ZC3H11A: variants seen among roughly 807,000 people sequenced by gnomAD.
The protein encoded by ZC3H11A is zinc finger CCCH domain-containing protein 11A.
ZC3H11A carries 22 observed loss-of-function variants against 90.8 expected under a neutral mutation model. The ratio of observed to expected loss-of-function variants is 0.24; its 90% confidence interval spans 0.17 to 0.35. The LOEUF (loss-of-function observed/expected upper bound fraction) is 0.35. Among genes scored for constraint, ZC3H11A ranks in the 10% least tolerant of loss-of-function variants. The probability of loss-of-function intolerance (pLI) is 1.00; values close to 1 mark genes in which losing one functional copy is unlikely to be tolerated. For synonymous variants in ZC3H11A, 294 were observed against 339.8 expected, an observed-to-expected ratio of 0.87 and a Z score of 1.48; for missense variants, 701 against 964.9, an observed-to-expected ratio of 0.73 and a Z score of 3.62.
At position 203,829,533 on chromosome 1, in the gene ZC3H11A, C is replaced by A; in HGVS notation, c.381C>A (p.Val127=). 1 of 1,613,964 alleles carries A rather than the reference C, an allele frequency of 6.2e-7. No individual in the cohort carries two copies. The highest frequency in any genetic ancestry group is 8.5e-7 in the Non-Finnish European group (1 of 1,179,910). The change falls in exon 6 of 18, where the codon GTC becomes GTA. Residue 127 remains valine (V), a synonymous_variant. Transcript: ENST00000367210. The part of the protein sequence containing the change: ...QLSVQQNKLS[V]QSNPSPQLRS... ...CAGTTCAGCAGAACAAATTGTCTGT[C>A]CAGTCCAATCCTTCCCCTCAGCTGC... is the stretch of plus-strand genomic sequence containing the variant.
intron 4 of ZC3H11A, among the ~76,000 whole-genome samples, chr1:203,822,976 G>T (rs1468184649): frequency 6.6e-6 from 1 of 152,120 alleles, no homozygotes; most frequent in Non-Finnish European, 1.5e-5. Flanking sequence ...TGTATTTCTT[G>T]TCTCTTAACT....
At chr1:203,821,284 G>C (rs1678596229) in intron 4 of ZC3H11A, among the ~76,000 whole-genome samples, 1 of 152,018 alleles carries the variant, frequency 6.6e-6, no homozygotes, top group African/African-American at 2.4e-5. Flanking sequence ...AGCCTCCCCA[G>C]CCATGCAGAA....
Position 203,797,581 on chromosome 1 carries a change from A to G in ZC3H11A, c.-1588+1787A>G, listed in dbSNP as rs1668979513. ...TCACTCTCTCCTGGCAGAAGATGCAACACTTTTAGTGATTCTGGGATTCTG... is the reference window on the plus strand; with the variant it reads ...TCACTCTCTCCTGGCAGAAGATGCAGCACTTTTAGTGATTCTGGGATTCTG... On this transcript the variant is annotated intron_variant, in intron 1 of 17. Transcript: ENST00000367210. 3 of 1,533,352 alleles carry G rather than the reference A, an allele frequency of 2.0e-6. No individual in the cohort carries two copies. Among genetic ancestry groups the G allele is most frequent in the Non-Finnish European group, 2.6e-6 (3 of 1,146,242 alleles). The allele number at this position is 1,533,352 out of a possible 1,614,324, so 95.0% of individuals were successfully genotyped here.
intron 16 of ZC3H11A, 86 bp downstream of exon 16, chr1:203,850,767 A>G: frequency 1.3e-6 from 2 of 1,510,250 alleles, no homozygotes; most frequent in South Asian, 2.4e-5. Flanking sequence ...TTCTATCTTG[A>G]GTATATCACT....
At position 203,842,406 on chromosome 1, in the gene ZC3H11A, G is replaced by A. The variant is rs550268237; in HGVS notation, c.1042+2032G>A. ...GCGGTCAGGAGCTGGAGACCAGCCC[G>A]GCCAACACGGCGAAACCCCGTCTCC... On this transcript the variant is annotated intron_variant, in intron 12 of 17. Transcript: ENST00000367210. 1.9e-4 allele frequency among the ~76,000 whole-genome samples: 29 copies of A among 152,244 alleles called. No homozygotes were observed. In the South Asian group the frequency reaches 5.8e-3, roughly 30 times the overall value.
intron 12 of ZC3H11A, among the ~76,000 whole-genome samples, chr1:203,841,415 TAATC>T (rs749188259): frequency 2.0e-5 from 3 of 152,280 alleles, no homozygotes; most frequent in South Asian, 2.1e-4. Context: ...GCACCGCCCT[TAATC>T]AATTTAACCC....
rs747091337 is a variant in ZC3H11A at position 203,818,707 on chromosome 1, G to A, written c.174+18G>A. 4.2e-5 allele frequency: 68 copies of A among 1,613,640 alleles called. 1 individual carries two copies. In the South Asian group the frequency reaches 6.5e-4, roughly 15 times the overall value. On this transcript the variant is annotated intron_variant, in intron 4 of 17. Transcript: ENST00000367210. ...AGATTGATGTAAGTTTTTTATTTCC[G>A]TTATCATAATAAGTAGTCTGGAGAC...
chr1:203,834,156 G>A (rs1225996719), intron 10 of ZC3H11A: 4 of 875,016 alleles, frequency 4.6e-6, no homozygotes, highest in Non-Finnish European at 4.2e-6. Context: ...TTTTAGAGGC[G>A]AGAAAAATGA....
intron 2 of ZC3H11A, among the ~76,000 whole-genome samples, chr1:203,808,426 T>C (rs1187509829): frequency 6.6e-6 from 1 of 152,212 alleles, no homozygotes; most frequent in Non-Finnish European, 1.5e-5. Context: ...AGCAGAGATG[T>C]CTTTAAAGAA....
chr1:203,836,546 G>A (rs1019501664), intron 10 of ZC3H11A, among the ~76,000 whole-genome samples: 2 of 152,144 alleles, frequency 1.3e-5, no homozygotes, highest in East Asian at 1.9e-4. Flanking sequence ...TCAGGAGTTC[G>A]AGACCGGCCT....
Position 203,798,546 on chromosome 1 carries a change from C to T in ZC3H11A, c.-1588+2752C>T, listed in dbSNP as rs542266903. Reference sequence around the variant, plus strand: ...TGAAGCTGAGACTGAGAGAAGTGATCTCTTGAGTGATACCTTGCATGGAGA... The same window carrying T: ...TGAAGCTGAGACTGAGAGAAGTGATTTCTTGAGTGATACCTTGCATGGAGA... On this transcript the variant is annotated intron_variant, in intron 1 of 17. Transcript: ENST00000367210. The T allele has an allele frequency of 9.2e-5, 142 of 1,536,120 alleles. No individual in the cohort carries two copies. The highest frequency in any genetic ancestry group is 3.3e-4 in the Middle Eastern group (2 of 5,990).
At chr1:203,848,639 G>T (rs983054551) in intron 14 of ZC3H11A, among the ~76,000 whole-genome samples, 1 of 152,160 alleles carries the variant, frequency 6.6e-6, no homozygotes, top group Non-Finnish European at 1.5e-5. Context: ...TGTAATCCCA[G>T]CACTTTGGGA....
At chr1:203,839,014 A>G (rs1685255637) in intron 11 of ZC3H11A, among the ~76,000 whole-genome samples, 1 of 152,088 alleles carries the variant, frequency 6.6e-6, no homozygotes, top group Non-Finnish European at 1.5e-5. Context: ...CACAGGCTCA[A>G]ATGTGCATTT....
intron 10 of ZC3H11A, among the ~76,000 whole-genome samples, chr1:203,836,873 A>T (rs1377097944): frequency 3.3e-5 from 5 of 152,224 alleles, no homozygotes; most frequent in African/African-American, 1.2e-4. Context: ...AGAACCTTAG[A>T]TTTCTTTTCT....
intron 2 of ZC3H11A, among the ~76,000 whole-genome samples, chr1:203,812,147 G>A (rs1229942870): frequency 6.6e-6 from 1 of 152,128 alleles, no homozygotes; most frequent in Non-Finnish European, 1.5e-5. Flanking sequence ...AGGGGTACAT[G>A]TGCAGGATGT....
At chr1:203,834,051 A>T (rs1572214884) in intron 10 of ZC3H11A, 198 bp downstream of exon 10, 2 of 1,250,438 alleles carry the variant, frequency 1.6e-6, no homozygotes, top group East Asian at 6.5e-5. Context: ...TTACAATTGA[A>T]CTAGATTATG....
At chr1:203,834,956 T>G (rs1316120980) in intron 10 of ZC3H11A, among the ~76,000 whole-genome samples, 2 of 152,250 alleles carry the variant, frequency 1.3e-5, no homozygotes, top group Non-Finnish European at 2.9e-5. Context: ...AAAAAATTAT[T>G]TTGAAAATTT....
At chr1:203,836,370 TGCAAA>T (rs963179132) in intron 10 of ZC3H11A, among the ~76,000 whole-genome samples, 2 of 152,166 alleles carry the variant, frequency 1.3e-5, no homozygotes, top group Non-Finnish European at 1.5e-5. Flanking sequence ...TTTGATACCT[TGCAAA>T]CAATGTAACT....
intron 12 of ZC3H11A, among the ~76,000 whole-genome samples, chr1:203,842,856 C>CTACATAATGTACATATATGTACATATATA: frequency 6.7e-6 from 1 of 149,944 alleles, no homozygotes; most frequent in South Asian, 2.1e-4. Flanking sequence ...TGAAATATAA[C>CTACATAATGTACATATATGTACATATATA]TACATAAGTA....
Sources: gnomAD v4.1 joint callset for allele counts (sites outside exome capture counted in the v4.1 genomes callset) on GRCh38, gnomAD v4.1.1 for gene constraint, MANE v1.5 for transcripts, NCBI Gene and HGNC (gene_info 2026-07-23, HGNC 2026-07-21) for gene names.